Variants in TRMT44 observed in about 807,000 individuals in gnomAD.
TRMT44 encodes probable tRNA (uracil-O(2)-)-methyltransferase.
In TRMT44, 78 loss-of-function variants were observed where a neutral mutation model predicts 77.3. The observed-to-expected ratio is 1.01, with a 90% CI of 0.84 to 1.22. TRMT44 has a LOEUF of 1.22. Among genes scored for constraint, TRMT44 ranks in the 50% most tolerant of loss-of-function variants. The probability of loss-of-function intolerance (pLI) is 0.00; values close to 1 mark genes in which losing one functional copy is unlikely to be tolerated. For missense variants in TRMT44, 1,090 were observed against 964.4 expected, an observed-to-expected ratio of 1.13 and a Z score of -1.73; for synonymous variants, 391 against 383.3, an observed-to-expected ratio of 1.02 and a Z score of -0.23.
chr4:8,455,020 G>A (rs779028475), intron 6 of TRMT44: 3 of 590,768 alleles, frequency 5.1e-6, no homozygotes, highest in Non-Finnish European at 9.0e-6. Context: ...TGACTGAAGG[G>A]CGCTGACCTC....
chr4:8,441,274 A>T lies in TRMT44; in HGVS notation c.452A>T (p.Gln151Leu). ...GATTCGCTTTGGGAGGATTTCTCCCAAAGTCTCGCCCGTGGCAATTCGGAG... is the reference window on the plus strand; with the variant it reads ...GATTCGCTTTGGGAGGATTTCTCCCTAAGTCTCGCCCGTGGCAATTCGGAG... The part of the protein sequence containing the change: ...DLDSLWEDFS[Q>L]SLARGNSELL... Residue 151 changes from glutamine to leucine, a missense_variant, in exon 1 of 11, where the codon CAA (glutamine) becomes CTA (leucine). Transcript: ENST00000389737. 6.5e-7 allele frequency: 1 copy of T among 1,535,630 alleles called. No homozygotes were observed. Among genetic ancestry groups the T allele is most frequent in the Non-Finnish European group, 8.7e-7 (1 of 1,146,680 alleles).
chr4:8,486,607 G>A (rs956562976), intron 2 of TRMT44, among the ~76,000 whole-genome samples: 14 of 151,870 alleles, frequency 9.2e-5, no homozygotes, highest in Non-Finnish European at 1.3e-4. Context: ...GCTGTAAAGC[G>A]TCTCGGGGTT....
downstream of TRMT44, among the ~76,000 whole-genome samples, chr4:8,497,750 T>G (rs1447333315): frequency 2.6e-5 from 4 of 152,214 alleles, no homozygotes; most frequent in East Asian, 7.7e-4. Context: ...TAAACAATCC[T>G]CCTGTTCTCC....
At position 8,446,280 on chromosome 4, in the gene TRMT44, G is replaced by A. The variant is rs572697416; in HGVS notation, c.620-196G>A. On this transcript the variant is annotated intron_variant, in intron 1 of 10. Coordinates refer to ENST00000389737, the MANE Select transcript of TRMT44 (RefSeq NM_152544.3). This position sits in a 1 kb window ranked among gnomAD's most constrained non-coding sequence, Gnocchi z 4.3. ...CAGATACTTGCAGAGAATGGCTGCT[G>A]TATGCCTGGCACATTCTAGGCTGTG... 6.6e-6 allele frequency among the ~76,000 whole-genome samples: 1 copy of A among 152,352 alleles called. No homozygotes were observed. The highest frequency in any genetic ancestry group is 1.5e-5 in the Non-Finnish European group (1 of 68,034).
At chr4:8,488,884 G>T (rs184623324) in intron 2 of TRMT44, among the ~76,000 whole-genome samples, 27 of 152,348 alleles carry the variant, frequency 1.8e-4, no homozygotes, top group African/African-American at 6.5e-4. Flanking sequence ...CAAGGGAGTG[G>T]TATTTGGAGG....
rs760927530 is a variant in TRMT44 at position 8,468,371 on chromosome 4, G to T, written c.1927+25G>T. The stretch of plus-strand genomic sequence containing the variant: ...GGTAAGCTGTCCACCATCTTAGGGA[G>T]GGGCTAGCACGCTCCCAGGCTTGAG... On this transcript the variant is annotated intron_variant, in intron 9 of 10. Coordinates refer to ENST00000389737, the MANE Select transcript of TRMT44 (RefSeq NM_152544.3). 13 of 1,611,084 alleles carry T rather than the reference G, an allele frequency of 8.1e-6. No homozygotes were observed. The South Asian group carries it at 1.3e-4, about 16-fold the overall frequency.
rs547561149 is a variant in TRMT44 at position 8,464,101 on chromosome 4, A to G, written c.1310+10A>G. The G allele has an allele frequency of 9.6e-5, 154 of 1,610,352 alleles. No homozygotes were observed. In the East Asian group the frequency reaches 2.1e-3, roughly 21 times the overall value. On this transcript the variant is annotated intron_variant, in intron 7 of 10. Transcript: ENST00000389737. ...CTGTCATTGCAGCCAGGTGAGAAGT[A>G]GAGGAGTTATCAGGTGAATGGCTGG...
At chr4:8,487,460 G>A (rs371375111) in intron 2 of TRMT44, among the ~76,000 whole-genome samples, 11 of 151,988 alleles carry the variant, frequency 7.2e-5, no homozygotes, top group East Asian at 1.9e-4. Context: ...ATAAGAGGTC[G>A]GGGCATGGAA....
At chr4:8,460,445 C>T (rs919154549) in intron 6 of TRMT44, among the ~76,000 whole-genome samples, 2 of 152,254 alleles carry the variant, frequency 1.3e-5, no homozygotes, top group African/African-American at 2.4e-5. Context: ...CACTTACCCT[C>T]AAGCAGCTCC....
intron 2 of TRMT44, among the ~76,000 whole-genome samples, chr4:8,484,720 T>A (rs770141151): frequency 6.6e-6 from 1 of 152,150 alleles, no homozygotes; most frequent in African/African-American, 2.4e-5. Context: ...ATTTAGGATC[T>A]ATGGGGTCAA....
downstream of TRMT44, chr4:8,477,289 C>T (rs1355987821): frequency 2.0e-5 from 3 of 152,340 alleles, no homozygotes; most frequent in Non-Finnish European, 2.9e-5. Flanking sequence ...GCGGCGCTGC[C>T]ACGGGCCCAG....
chr4:8,509,015 C>A, the TRMT44 span: 1 of 152,304 alleles, frequency 6.6e-6, no homozygotes, highest in South Asian at 2.1e-4. Flanking sequence ...TCACCCCTCT[C>A]TTGAGCAGAT....
At chr4:8,509,271 C>T in the TRMT44 span, 2 of 152,584 alleles carry the variant, frequency 1.3e-5, no homozygotes, top group Non-Finnish European at 2.9e-5. Flanking sequence ...ACTGATCCCT[C>T]TGAGCCTCTC....
the TRMT44 span, chr4:8,510,807 G>C: frequency 2.0e-5 from 3 of 152,348 alleles, no homozygotes; most frequent in Admixed American, 6.5e-5. Context: ...GAGTCGTGGG[G>C]TGGAGGGGGC....
chr4:8,475,192 A>T lies in TRMT44; in HGVS notation c.2045-580A>T, dbSNP rs370257130. 2.0e-5 allele frequency among the ~76,000 whole-genome samples: 3 copies of T among 152,214 alleles called. No homozygotes were observed. The South Asian group carries it at 6.2e-4, about 32-fold the overall frequency. On this transcript the variant is annotated intron_variant, in intron 10 of 10. Transcript: ENST00000389737. ...CCAGCCCCGTCCTTAGACTGCGTGG[A>T]GGGACCTGCGCCTTGCCCCTCTTTC...
At chr4:8,504,355 G>A in the TRMT44 span, among the ~76,000 whole-genome samples, 2 of 152,202 alleles carry the variant, frequency 1.3e-5, no homozygotes, top group East Asian at 1.9e-4. This position sits in a 1 kb window ranked among gnomAD's most constrained non-coding sequence, Gnocchi z 5.3. Context: ...CCAGGTACCC[G>A]CGCCAGCTTT....
the TRMT44 span, chr4:8,506,814 C>T: frequency 4.6e-5 from 7 of 152,360 alleles, no homozygotes; most frequent in African/African-American, 1.4e-4. Context: ...ACAACTCCAG[C>T]TCTGCCGTGC....
At position 8,476,540 on chromosome 4, in the gene TRMT44, ACT is replaced by A. The variant is rs1481543237; in HGVS notation, c.*541_*542del. Reference sequence around the variant, plus strand: ...TTTTAGAGTTACAGAGAATAAAAACACTCATAATTTCCTGACATGGGCCACTC... The same window carrying A: ...TTTTAGAGTTACAGAGAATAAAAACACATAATTTCCTGACATGGGCCACTC... On this transcript the variant is annotated 3_prime_UTR_variant, in exon 11 of 11. Transcript: ENST00000389737. 2 of 155,098 alleles carry A rather than the reference ACT, an allele frequency of 1.3e-5. No homozygotes were observed. The highest frequency in any genetic ancestry group is 2.4e-5 in the African/African-American group (1 of 41,466). 9.6% of individuals were successfully genotyped at this position (155,098 alleles called of 1,614,324 possible). A position where few individuals can be genotyped will look rare whatever the true frequency, so the allele number is the denominator to read the frequency against.
downstream of TRMT44, among the ~76,000 whole-genome samples, chr4:8,481,367 TG>T (rs1727608047): frequency 6.6e-6 from 1 of 152,254 alleles, no homozygotes; most frequent in Non-Finnish European, 1.5e-5. Flanking sequence ...CCGACCACCT[TG>T]GGCACATGTT....
Sources: gnomAD v4.1 joint callset for allele counts (sites outside exome capture counted in the v4.1 genomes callset) on GRCh38, gnomAD v4.1.1 for gene constraint, Gnocchi (gnomAD v3.1) non-coding constraint, MANE v1.5 for transcripts, NCBI Gene and HGNC (gene_info 2026-07-23, HGNC 2026-07-21) for gene names.